Variants in PTPRD observed in about 807,000 individuals in gnomAD.
PTPRD encodes the protein receptor-type tyrosine-protein phosphatase delta.
A neutral mutation model predicts 214.5 loss-of-function variants in PTPRD; 34 were observed. The observed-to-expected ratio is 0.16, with a 90% CI of 0.12 to 0.21. PTPRD has a LOEUF of 0.21. Among genes scored for constraint, PTPRD ranks in the 10% least tolerant of loss-of-function variants. The probability of loss-of-function intolerance (pLI) is 1.00; values close to 1 mark genes in which losing one functional copy is unlikely to be tolerated. For synonymous variants in PTPRD, 1,128 were observed against 845.7 expected (o/e 1.33, Z -5.79); for missense variants, 2,545 against 2,398.7 (o/e 1.06, Z -1.27).
intron 11 of PTPRD, among the ~76,000 whole-genome samples, chr9:8,781,049 C>T (rs1362519960): frequency 6.6e-6 from 1 of 152,132 alleles, no homozygotes; most frequent in East Asian, 1.9e-4. Flanking sequence ...AAGTACAATT[C>T]AATAGGAGGA....
chr9:10,569,425 A>T (rs754552506), intron 2 of PTPRD, among the ~76,000 whole-genome samples: 21 of 151,976 alleles, frequency 1.4e-4, no homozygotes, highest in South Asian at 2.1e-4. Flanking sequence ...TTTTTAAATT[A>T]TTATTTTAAT....
chr9:9,205,428 A>T, intron 9 of PTPRD, among the ~76,000 whole-genome samples: 1 of 152,186 alleles, frequency 6.6e-6, no homozygotes, highest in East Asian at 1.9e-4. Flanking sequence ...ACACATGGTA[A>T]TGCGTTGCTT....
chr9:10,048,876 C>G (rs1301368517), intron 3 of PTPRD, among the ~76,000 whole-genome samples: 1 of 151,790 alleles, frequency 6.6e-6, no homozygotes, highest in Non-Finnish European at 1.5e-5. Flanking sequence ...TTAACAGAGT[C>G]AAATTTAGCA....
intron 10 of PTPRD, among the ~76,000 whole-genome samples, chr9:9,157,036 AATG>A (rs2099881811): frequency 6.6e-6 from 1 of 152,234 alleles, no homozygotes; most frequent in Non-Finnish European, 1.5e-5. Flanking sequence ...AATAAATAGC[AATG>A]ATATTTATCT....
At chr9:10,297,120 TA>T (rs1482668314) in intron 3 of PTPRD, among the ~76,000 whole-genome samples, 3 of 144,374 alleles carry the variant, frequency 2.1e-5, no homozygotes, top group East Asian at 2.0e-4. Context: ...TATATATATA[TA>T]AAATATATAT....
At chr9:10,453,848 T>C (rs1336309832) in intron 2 of PTPRD, among the ~76,000 whole-genome samples, 3 of 151,638 alleles carry the variant, frequency 2.0e-5, no homozygotes, top group Non-Finnish European at 3.0e-5. Flanking sequence ...ATGAAACTGG[T>C]AAGAATGATA....
At chr9:10,205,700 C>G (rs948757468) in intron 3 of PTPRD, among the ~76,000 whole-genome samples, 1 of 152,066 alleles carries the variant, frequency 6.6e-6, no homozygotes, top group Admixed American at 6.6e-5. Flanking sequence ...CCACCATGCC[C>G]GGCCTGCTTC....
At chr9:9,791,935 A>T (rs1032168050) in intron 5 of PTPRD, among the ~76,000 whole-genome samples, 3 of 151,844 alleles carry the variant, frequency 2.0e-5, no homozygotes, top group African/African-American at 7.3e-5. Flanking sequence ...ATTTTTTTTT[A>T]TGTCTACTAA....
At chr9:9,917,391 AT>A (rs1030288100) in intron 5 of PTPRD, among the ~76,000 whole-genome samples, 3 of 148,690 alleles carry the variant, frequency 2.0e-5, no homozygotes, top group African/African-American at 7.3e-5. Flanking sequence ...AATACAAAAC[AT>A]TATTAGAGAC....
intron 3 of PTPRD, among the ~76,000 whole-genome samples, chr9:10,190,162 T>A (rs1199896592): frequency 6.6e-6 from 1 of 150,432 alleles, no homozygotes; most frequent in Admixed American, 6.6e-5. Flanking sequence ...AGGTCAGGAG[T>A]TCGAGATCAG....
At chr9:8,996,827 G>C (rs970438344) in intron 11 of PTPRD, among the ~76,000 whole-genome samples, 6 of 152,032 alleles carry the variant, frequency 3.9e-5, no homozygotes, top group African/African-American at 1.4e-4. Flanking sequence ...TTTGGGGTTA[G>C]ATTTCAATAT....
intron 2 of PTPRD, among the ~76,000 whole-genome samples, chr9:10,431,659 T>G (rs1311368925): frequency 1.3e-5 from 2 of 152,058 alleles, no homozygotes; most frequent in East Asian, 1.9e-4. Flanking sequence ...AGAAGACATT[T>G]ATGCAGCCAA....
At chr9:9,090,586 C>T (rs569049842) in intron 10 of PTPRD, among the ~76,000 whole-genome samples, 1 of 152,074 alleles carries the variant, frequency 6.6e-6, no homozygotes, top group Non-Finnish European at 1.5e-5. Flanking sequence ...GCCATTATTG[C>T]AATTTTTATA....
At chr9:8,948,808 T>A (rs895438211) in intron 11 of PTPRD, among the ~76,000 whole-genome samples, 1 of 151,266 alleles carries the variant, frequency 6.6e-6, no homozygotes, top group Non-Finnish European at 1.5e-5. Flanking sequence ...GATGAAGCCA[T>A]AATTCTGGAA....
intron 7 of PTPRD, among the ~76,000 whole-genome samples, chr9:9,630,451 G>A (rs1031382847): frequency 1.3e-5 from 2 of 152,106 alleles, no homozygotes; most frequent in African/African-American, 4.8e-5. Flanking sequence ...AGTCCCTGAA[G>A]GTACAGCACT....
chr9:9,508,820 T>C (rs62533240), intron 8 of PTPRD, among the ~76,000 whole-genome samples: 9,190 of 151,678 alleles, frequency 0.061, 371 homozygotes, highest in South Asian at 0.14. Context: ...CAGCAGGATT[T>C]AACCACTTTT....
chr9:9,907,560 G>A (rs1474079124), intron 5 of PTPRD, among the ~76,000 whole-genome samples: 1 of 151,938 alleles, frequency 6.6e-6, no homozygotes, highest in Non-Finnish European at 1.5e-5. Context: ...TATCAGTCAT[G>A]TAGGATCAGA....
intron 36 of PTPRD, among the ~76,000 whole-genome samples, chr9:8,389,882 C>T (rs928993709): frequency 3.9e-5 from 6 of 152,112 alleles, no homozygotes; most frequent in African/African-American, 1.4e-4. Context: ...TATATAAACT[C>T]ATTTAATATT....
At chr9:9,646,318 G>GGTGTGTGT (rs369865111) in intron 7 of PTPRD, among the ~76,000 whole-genome samples, 17 of 137,236 alleles carry the variant, frequency 1.2e-4, no homozygotes, top group Non-Finnish European at 3.2e-5. Context: ...TGTGTGTGTG[G>GGTGTGTGT]GTGTGTGTGT....
Sources: allele counts gnomAD v4.1 joint callset (sites outside exome capture counted in the v4.1 genomes callset), GRCh38; gene constraint gnomAD v4.1.1; transcripts MANE v1.5; gene names NCBI Gene and HGNC (gene_info 2026-07-23, HGNC 2026-07-21).